Variants in OR6B1 observed in about 807,000 individuals in gnomAD.
OR6B1 encodes the protein olfactory receptor 6B1.
OR6B1 carries 15 observed loss-of-function variants against 15.4 expected under a neutral mutation model. That is an observed-to-expected ratio of 0.97 (90% CI 0.65 to 1.50). OR6B1 has a LOEUF of 1.50. OR6B1 is among the 40% of genes most tolerant of loss of function. The pLI is 0.00. For synonymous variants in OR6B1, 139 were observed against 144.9 expected (o/e 0.96, Z 0.29); for missense variants, 384 against 385.0 (o/e 1.00, Z 0.02).
intron 1 of OR6B1, 170 bp from the exon 2 acceptor site, chr7:144,003,802 C>A: frequency 1.7e-6 from 1 of 594,490 alleles, no homozygotes; most frequent in Non-Finnish European, 3.0e-6. Flanking sequence ...CACACACACA[C>A]ACACACACGG....
rs1222591109 is a variant in OR6B1 at position 144,008,780 on chromosome 7, G to T, written c.*3848G>T. 6.6e-6 allele frequency: 1 copy of T among 152,118 alleles called. No individual in the cohort carries two copies. Among genetic ancestry groups the T allele is most frequent in the African/African-American group, 2.4e-5 (1 of 41,354 alleles). The allele number at this position is 152,118 out of a possible 1,614,324, so 9.4% of individuals were successfully genotyped here. A position where few individuals can be genotyped will look rare whatever the true frequency, so the allele number is the denominator to read the frequency against. The stretch of plus-strand genomic sequence containing the variant: ...ATGTGGAACTGTAAGTCAATTAAAC[G>T]TTTTTAAAGTAAATTACCCAGTCTT... On this transcript the variant is annotated 3_prime_UTR_variant, in exon 2 of 2. Transcript: ENST00000641698.
chr7:144,004,101 T>C lies in OR6B1; in HGVS notation c.105T>C (p.Tyr35=), dbSNP rs2050602842. The change falls in exon 2 of 2, where the codon TAT becomes TAC. Residue 35 remains tyrosine (Y), a synonymous_variant. Transcript: ENST00000641698. ...AAMFLIFLVA[Y]ILTVAENVII... ...TGTTTCTGATATTCCTTGTGGCCTATATTCTGACAGTGGCTGAAAACGTGA... is the reference window on the plus strand; with the variant it reads ...TGTTTCTGATATTCCTTGTGGCCTACATTCTGACAGTGGCTGAAAACGTGA... The C allele has an allele frequency of 6.2e-7, 1 of 1,614,106 alleles. No individual in the cohort carries two copies. Among genetic ancestry groups the C allele is most frequent in the African/African-American group, 1.3e-5 (1 of 75,028 alleles).
At position 144,005,143 on chromosome 7, in the gene OR6B1, C is replaced by A; in HGVS notation, c.*211C>A. 1 of 513,560 alleles carries A rather than the reference C, an allele frequency of 1.9e-6. No individual in the cohort carries two copies. 31.8% of individuals were successfully genotyped at this position (513,560 alleles called of 1,614,324 possible). On this transcript the variant is annotated 3_prime_UTR_variant, in exon 2 of 2. Transcript: ENST00000641698. ...TTCTAGAGAGCTAGAGAAAACAGTT[C>A]TCAATGGTTGTGACCCCAAATGGGG...
At position 144,004,020 on chromosome 7, in the gene OR6B1, A is replaced by T. The variant is rs1199633095; in HGVS notation, c.24A>T (p.Arg8=). The T allele has an allele frequency of 6.2e-6, 10 of 1,612,604 alleles. No homozygotes were observed. Among genetic ancestry groups the T allele is most frequent in the East Asian group, 4.5e-5 (2 of 44,882 alleles). ...ATATGGAGTTGGAGAACCAGACACG[A>T]GTCACCAAGTTCATTCTGGTGGGAT... is the stretch of plus-strand genomic sequence containing the variant. MELENQT[R]VTKFILVGFP... Residue 8 remains arginine, a synonymous_variant, in exon 2 of 2, where the codon CGA becomes CGT. Transcript: ENST00000641698.
chr7:144,004,761 C>A lies in OR6B1; in HGVS notation c.765C>A (p.Phe255Leu). The A allele has an allele frequency of 6.2e-7, 1 of 1,614,196 alleles. No homozygotes were observed. The highest frequency in any genetic ancestry group is 8.5e-7 in the Non-Finnish European group (1 of 1,180,034). The part of the protein sequence containing the change: ...VVTIFYSAII[F>L]MYARPRVIHA... ...CCATTTTCTATTCAGCCATTATTTT[C>A]ATGTATGCTCGACCTCGAGTTATCC... Residue 255 changes from phenylalanine to leucine, a missense_variant, in exon 2 of 2, where the codon TTC (phenylalanine) becomes TTA (leucine). Physicochemically the swap from Phe to Leu is conservative, Grantham distance 22. Transcript: ENST00000641698.
At position 144,006,026 on chromosome 7, in the gene OR6B1, T is replaced by C. The variant is rs2050621941; in HGVS notation, c.*1094T>C. 1 of 152,266 alleles carries C rather than the reference T, an allele frequency of 6.6e-6. No homozygotes were observed. The highest frequency in any genetic ancestry group is 1.5e-5 in the Non-Finnish European group (1 of 68,042). 9.4% of individuals were successfully genotyped at this position (152,266 alleles called of 1,614,324 possible). ...CAACATCAGTGGGAATTTAATTCTT[T>C]TATTGTAACAGTTTTAAACAGGAGA... On this transcript the variant is annotated 3_prime_UTR_variant, in exon 2 of 2. Coordinates refer to ENST00000641698, the MANE Select transcript of OR6B1 (RefSeq NM_001005281.3).
Position 144,003,996 on chromosome 7 carries a change from T to C in OR6B1, c.-1T>C, listed in dbSNP as rs774367505. On this transcript the variant is annotated 5_prime_UTR_variant, in exon 2 of 2. Coordinates refer to ENST00000641698, the MANE Select transcript of OR6B1 (RefSeq NM_001005281.3). ...GGAGAGCTAAGCCCTGTGTCTCCAA[T>C]ATGGAGTTGGAGAACCAGACACGAG... is the stretch of plus-strand genomic sequence containing the variant. The C allele has an allele frequency of 1.4e-5, 23 of 1,601,120 alleles. No individual in the cohort carries two copies. The African/African-American group carries it at 2.1e-4, about 15-fold the overall frequency.
Position 144,004,982 on chromosome 7 carries a change from T to C in OR6B1, c.*50T>C, listed in dbSNP as rs774455242. The C allele has an allele frequency of 8.3e-6, 11 of 1,319,660 alleles. No individual in the cohort carries two copies. Among genetic ancestry groups the C allele is most frequent in the Non-Finnish European group, 1.1e-5 (11 of 963,678 alleles). The allele number at this position is 1,319,660 out of a possible 1,614,324, so 81.7% of individuals were successfully genotyped here. A position where few individuals can be genotyped will look rare whatever the true frequency, so the allele number is the denominator to read the frequency against. ...AGGTCTGAGTGGGTGCCTGTATGTC[T>C]TCCTCCATCCTTTCTCCTTTAACGA... On this transcript the variant is annotated 3_prime_UTR_variant, in exon 2 of 2. Coordinates refer to ENST00000641698, the MANE Select transcript of OR6B1 (RefSeq NM_001005281.3).
In OR6B1 at chr7:144,004,740, T is replaced by G. The variant is rs1223383409; in HGVS notation, c.744T>G (p.Ile248Met). 4.3e-6 allele frequency: 7 copies of G among 1,614,222 alleles called. No individual in the cohort carries two copies. The highest frequency in any genetic ancestry group is 1.7e-6 in the Non-Finnish European group (2 of 1,180,044). Residue 248 changes from isoleucine to methionine, a missense_variant, in exon 2 of 2, where the codon ATT (isoleucine) becomes ATG (methionine). Coordinates refer to ENST00000641698, the MANE Select transcript of OR6B1 (RefSeq NM_001005281.3). ...TCASHLVVVTIFYSAIIFMYA... is the reference protein window; with the variant it reads ...TCASHLVVVTMFYSAIIFMYA... ...CCTCCCATCTTGTGGTGGTCACCAT[T>G]TTCTATTCAGCCATTATTTTCATGT...
intron 1 of OR6B1, among the ~76,000 whole-genome samples, chr7:144,003,328 T>C (rs1242134635): frequency 6.6e-6 from 1 of 152,240 alleles, no homozygotes; most frequent in South Asian, 2.1e-4. Flanking sequence ...AATATTCACA[T>C]TGACGGAAGA....
chr7:144,002,094 G>A (rs1018307340), intron 1 of OR6B1, among the ~76,000 whole-genome samples: 2 of 152,162 alleles, frequency 1.3e-5, no homozygotes, highest in Admixed American at 1.3e-4. Context: ...AGTCCAAAAT[G>A]TGATATTCTT....
Position 144,005,088 on chromosome 7 carries a change from C to T in OR6B1, c.*156C>T, listed in dbSNP as rs1251005707. ...AGGCGCTTGGGTATCTGCATCTGTG[C>T]ATATGGTCAGTGCTCTAAGGCCATA... On this transcript the variant is annotated 3_prime_UTR_variant, in exon 2 of 2. Transcript: ENST00000641698. The T allele has an allele frequency of 8.2e-6, 5 of 613,156 alleles. No homozygotes were observed. In the East Asian group the frequency reaches 1.4e-4, roughly 17 times the overall value. 38.0% of individuals were successfully genotyped at this position (613,156 alleles called of 1,614,324 possible).
rs758516500 is a variant in OR6B1, at chr7:144,004,703, T to TCTCCACTTGTGC, written c.712_723dup (p.Thr238_Ser241dup). On this transcript the variant is annotated inframe_insertion, in exon 2 of 2. Coordinates refer to ENST00000641698, the MANE Select transcript of OR6B1 (RefSeq NM_001005281.3). ...ATGCCCACAGGAAAGCAGAAAGCGT[T>TCTCCACTTGTGC]CTCCACTTGTGCCTCCCATCTTGTG... 6.2e-7 allele frequency: 1 copy of TCTCCACTTGTGC among 1,614,192 alleles called. No homozygotes were observed. Among genetic ancestry groups the TCTCCACTTGTGC allele is most frequent in the South Asian group, 1.1e-5 (1 of 91,080 alleles).
Position 144,005,036 on chromosome 7 carries a change from T to G in OR6B1, c.*104T>G. 1.3e-6 allele frequency: 1 copy of G among 764,946 alleles called. No individual in the cohort carries two copies. The highest frequency in any genetic ancestry group is 1.9e-5 in the South Asian group (1 of 53,952). 47.4% of individuals were successfully genotyped at this position (764,946 alleles called of 1,614,324 possible). A position where few individuals can be genotyped will look rare whatever the true frequency, so the allele number is the denominator to read the frequency against. Reference sequence around the variant, plus strand: ...AGTTAGGACACTGCCCATGTTAATATGACATCACCATGTCTACTTCAATCT... The same window carrying G: ...AGTTAGGACACTGCCCATGTTAATAGGACATCACCATGTCTACTTCAATCT... On this transcript the variant is annotated 3_prime_UTR_variant, in exon 2 of 2. Coordinates refer to ENST00000641698, the MANE Select transcript of OR6B1 (RefSeq NM_001005281.3).
rs2050627489 is a variant in OR6B1 at position 144,006,718 on chromosome 7, A to G, written c.*1786A>G. The G allele has an allele frequency of 6.6e-6, 1 of 152,354 alleles. No homozygotes were observed. Among genetic ancestry groups the G allele is most frequent in the Non-Finnish European group, 1.5e-5 (1 of 68,032 alleles). 9.4% of individuals were successfully genotyped at this position (152,354 alleles called of 1,614,324 possible). A position where few individuals can be genotyped will look rare whatever the true frequency, so the allele number is the denominator to read the frequency against. ...AGACATGTTCAGTAGGGATTAGGAA[A>G]TGAAAGATAAAAAAACTCTGGCAAT... On this transcript the variant is annotated 3_prime_UTR_variant, in exon 2 of 2. Coordinates refer to ENST00000641698, the MANE Select transcript of OR6B1 (RefSeq NM_001005281.3).
At chr7:144,003,115 G>C (rs16882606) in intron 1 of OR6B1, among the ~76,000 whole-genome samples, 2 of 152,094 alleles carry the variant, frequency 1.3e-5, no homozygotes, top group African/African-American at 4.8e-5. Flanking sequence ...CCCTGAATGA[G>C]CCCATGTTTA....
At chr7:144,003,798 C>CAG in intron 1 of OR6B1, 174 bp from the exon 2 acceptor site, 1 of 591,972 alleles carries the variant, frequency 1.7e-6, no homozygotes. Context: ...CACACACACA[C>CAG]ACACACACAC....
At position 144,004,473 on chromosome 7, in the gene OR6B1, G is replaced by T. The variant is rs750570667; in HGVS notation, c.477G>T (p.Lys159Asn). The T allele has an allele frequency of 6.2e-6, 10 of 1,614,158 alleles. No homozygotes were observed. The East Asian group carries it at 8.9e-5, about 14-fold the overall frequency. The change falls in exon 2 of 2, where the codon AAG becomes AAT. Residue 159 changes from lysine (K) to asparagine (N), a missense_variant. Lys to Asn is a moderately conservative substitution (Grantham distance 94). Coordinates refer to ENST00000641698, the MANE Select transcript of OR6B1 (RefSeq NM_001005281.3). ...WAIGFGISLA[K>N]IYFISCLSFC... is the part of the protein sequence containing the mutation. ...TTGGCTTTGGCATCTCCCTGGCGAA[G>T]ATCTACTTCATCTCCTGCCTCAGCT...
chr7:144,003,797 A>C, intron 1 of OR6B1, 175 bp from the exon 2 acceptor site: 1 of 588,756 alleles, frequency 1.7e-6, no homozygotes, highest in South Asian at 2.2e-5. Context: ...ACACACACAC[A>C]CACACACACA....
Sources: allele counts gnomAD v4.1 joint callset (sites outside exome capture counted in the v4.1 genomes callset), GRCh38; gene constraint gnomAD v4.1.1; transcripts MANE v1.5; gene names NCBI Gene and HGNC (gene_info 2026-07-23, HGNC 2026-07-21).